The following DIAPH2 variants were observed in gnomAD, a reference collection of about 807,000 sequenced individuals.
DIAPH2 encodes diaphanous related formin 2.
A neutral mutation model predicts 92.7 loss-of-function variants in DIAPH2; 35 were observed. The ratio of observed to expected loss-of-function variants is 0.38; its 90% CI spans 0.29 to 0.50. The LOEUF (loss-of-function observed/expected upper bound fraction) is 0.50. Ranked by LOEUF, DIAPH2 falls within the 20% of genes least tolerant of loss-of-function variation. The pLI, the probability that DIAPH2 is intolerant of heterozygous loss-of-function variation, is 0.94. For synonymous variants in DIAPH2, 301 were observed against 280.4 expected, an observed-to-expected ratio of 1.07 and a Z score of -0.73; for missense variants, 701 against 819.5, an observed-to-expected ratio of 0.86 and a Z score of 1.77.
chrX:97,088,389 A>AT (rs1384459794), intron 19 of DIAPH2, among the ~76,000 whole-genome samples: 1 of 112,464 alleles, frequency 8.9e-6, no homozygotes, highest in Non-Finnish European at 1.9e-5. Flanking sequence ...TTTTGAAGTG[A>AT]TTTTTGAAAA....
intron 26 of DIAPH2, among the ~76,000 whole-genome samples, chrX:97,565,350 A>G (rs1404431447): frequency 8.9e-6 from 1 of 112,516 alleles, no homozygotes; most frequent in Non-Finnish European, 1.9e-5. Context: ...AACACAGTGC[A>G]TGGTATCCAC....
At chrX:97,254,492 CAAAAAAAAAAAAA>C (rs1172020847) in intron 23 of DIAPH2, among the ~76,000 whole-genome samples, 2 of 29,060 alleles carry the variant, frequency 6.9e-5, no homozygotes, top group Non-Finnish European at 1.3e-4. Context: ...AACTCTGTCT[CAAAAAAAAAAAAA>C]AAAAAAAAAG....
chrX:97,122,171 T>C (rs1238874891), intron 21 of DIAPH2, among the ~76,000 whole-genome samples: 1 of 111,685 alleles, frequency 9.0e-6, no homozygotes, highest in African/African-American at 3.2e-5. Context: ...GAAAACCTCA[T>C]GTGAATTTTC....
chrX:97,309,018 C>CA (rs757140696), intron 23 of DIAPH2, among the ~76,000 whole-genome samples: 14 of 108,188 alleles, frequency 1.3e-4, no homozygotes, highest in African/African-American at 4.0e-4. Flanking sequence ...AACTCCGTCT[C>CA]AAAAAAACAA....
At chrX:97,410,835 C>T (rs1001782017) in intron 25 of DIAPH2, among the ~76,000 whole-genome samples, 3 of 111,266 alleles carry the variant, frequency 2.7e-5, no homozygotes, top group East Asian at 2.8e-4. Flanking sequence ...TGAAATAAAG[C>T]GAGAGGAGAA....
Position 96,796,121 on chromosome X carries a change from G to A in DIAPH2, c.447+37863G>A, listed in dbSNP as rs147862545. Among the ~76,000 whole-genome samples the A allele has an allele frequency of 7.2e-3, 805 of 111,697 alleles. 1 individual carries two copies. Among genetic ancestry groups the A allele is most frequent in the Non-Finnish European group, 0.011 (607 of 53,022 alleles). On this transcript the variant is annotated intron_variant, in intron 4 of 26. Coordinates refer to ENST00000324765, the MANE Select transcript of DIAPH2 (RefSeq NM_006729.5). The stretch of plus-strand genomic sequence containing the variant: ...GGGATAACTGTATAATTATTAATAT[G>A]ACTGTATTTATTTCTAATTTCCTTT...
intron 22 of DIAPH2, among the ~76,000 whole-genome samples, chrX:97,174,414 C>T (rs1402894248): frequency 2.7e-5 from 3 of 111,206 alleles, no homozygotes; most frequent in African/African-American, 6.5e-5. Flanking sequence ...ATTACATTCT[C>T]GTGTGTTGGC....
At chrX:97,023,249 T>G (rs2066309794) in intron 17 of DIAPH2, among the ~76,000 whole-genome samples, 2 of 111,904 alleles carry the variant, frequency 1.8e-5, no homozygotes, top group Non-Finnish European at 3.8e-5. Flanking sequence ...GCTATTCTTA[T>G]TCTTTCTTTG....
At chrX:97,484,123 C>T (rs1386772316) in intron 26 of DIAPH2, among the ~76,000 whole-genome samples, 1 of 111,054 alleles carries the variant, frequency 9.0e-6, no homozygotes, top group African/African-American at 3.3e-5. Flanking sequence ...AGTATCAGAC[C>T]ATACCCCAGG....
chrX:96,734,634 T>G (rs2064075634), intron 1 of DIAPH2, among the ~76,000 whole-genome samples: 1 of 111,380 alleles, frequency 9.0e-6, no homozygotes, highest in African/African-American at 3.3e-5. Flanking sequence ...AGACATGGTA[T>G]AGAGATTAGA....
intron 26 of DIAPH2, among the ~76,000 whole-genome samples, chrX:97,472,587 G>A (rs1233734036): frequency 2.7e-5 from 3 of 111,996 alleles, no homozygotes; most frequent in Non-Finnish European, 5.6e-5. Flanking sequence ...TTAAATCACA[G>A]ATCTCTACCT....
At chrX:97,452,748 A>T (rs954441390) in intron 26 of DIAPH2, among the ~76,000 whole-genome samples, 2 of 112,386 alleles carry the variant, frequency 1.8e-5, no homozygotes, top group Non-Finnish European at 3.8e-5. Context: ...TAGGCTTCTG[A>T]AGTGTTCTGA....
intron 4 of DIAPH2, among the ~76,000 whole-genome samples, chrX:96,858,554 G>A (rs921143497): frequency 8.9e-6 from 1 of 111,912 alleles, no homozygotes; most frequent in African/African-American, 3.2e-5. Flanking sequence ...CAAGCTTTGG[G>A]ATTCACCATG....
chrX:97,509,777 C>A (rs1231428165), intron 26 of DIAPH2, among the ~76,000 whole-genome samples: 40 of 108,118 alleles, frequency 3.7e-4, no homozygotes, highest in Non-Finnish European at 6.7e-4. Context: ...TTTGTCCTTA[C>A]GATAGTTTAC....
At chrX:97,238,760 T>C (rs920410054) in intron 22 of DIAPH2, among the ~76,000 whole-genome samples, 4 of 111,721 alleles carry the variant, frequency 3.6e-5, no homozygotes, top group African/African-American at 1.3e-4. Context: ...TCATGTAAAA[T>C]GAAACTACCT....
chrX:96,942,843 G>T (rs916024813), intron 13 of DIAPH2, among the ~76,000 whole-genome samples: 1 of 110,645 alleles, frequency 9.0e-6, no homozygotes, highest in Non-Finnish European at 1.9e-5. Context: ...TATTGTTAAG[G>T]TTTAAGCATG....
At chrX:97,359,070 C>T (rs575022232) in intron 24 of DIAPH2, among the ~76,000 whole-genome samples, 2 of 111,880 alleles carry the variant, frequency 1.8e-5, no homozygotes, top group African/African-American at 6.5e-5. Context: ...CTTTTACAAA[C>T]ACCTGGTCTT....
chrX:96,965,344 T>G (rs1052523310), intron 17 of DIAPH2, 137 bp downstream of exon 17: 1 of 305,375 alleles, frequency 3.3e-6, no homozygotes. Flanking sequence ...GATTGACATT[T>G]AACTATATTT....
intron 24 of DIAPH2, among the ~76,000 whole-genome samples, chrX:97,379,848 C>T (rs1305021574): frequency 9.0e-6 from 1 of 111,622 alleles, no homozygotes; most frequent in Non-Finnish European, 1.9e-5. Context: ...ATGCTTGCTT[C>T]GTGTAGACCT....
Sources: allele counts gnomAD v4.1 joint callset (sites outside exome capture counted in the v4.1 genomes callset), GRCh38; gene constraint gnomAD v4.1.1; transcripts MANE v1.5; gene names NCBI Gene and HGNC (gene_info 2026-07-23, HGNC 2026-07-21).